ZNF718: variants seen among roughly 807,000 people sequenced by gnomAD.
The protein encoded by ZNF718 is zinc finger protein 718.
A neutral mutation model predicts 2.6 loss-of-function variants in ZNF718; 3 were observed. That is an observed-to-expected ratio of 1.16 (90% confidence interval 0.53 to 3.01). The LOEUF is 3.01. Ranked by LOEUF, ZNF718 falls within the 30% of genes most tolerant of loss-of-function variation. The pLI, the probability that ZNF718 is intolerant of heterozygous loss-of-function variation, is 0.03. For synonymous variants in ZNF718, 135 were observed against 77.9 expected, an observed-to-expected ratio of 1.73 and a Z score of -3.86; for missense variants, 468 against 230.0, an observed-to-expected ratio of 2.03 and a Z score of -6.69.
At chr4:140,277 A>G (rs1715757113) in intron 3 of ZNF718, among the ~76,000 whole-genome samples, 1 of 152,136 alleles carries the variant, frequency 6.6e-6, no homozygotes, top group Non-Finnish European at 1.5e-5. Context: ...TCGGATCCAC[A>G]GGAGGATACT....
At chr4:193,398 G>T (rs1167720669) in intron 3 of ZNF718, among the ~76,000 whole-genome samples, 1 of 152,114 alleles carries the variant, frequency 6.6e-6, no homozygotes, top group Non-Finnish European at 1.5e-5. Flanking sequence ...CCATATTGCT[G>T]TGTGGGCATG....
At chr4:138,732 T>C (rs1553809810) in intron 3 of ZNF718, among the ~76,000 whole-genome samples, 1 of 152,166 alleles carries the variant, frequency 6.6e-6, no homozygotes, top group Non-Finnish European at 1.5e-5. Flanking sequence ...TTGTAGTAAT[T>C]TACATTCCCA....
rs939659635 is a variant in ZNF718 at position 162,579 on chromosome 4, G to T, written c.*457G>T. On this transcript the variant is annotated 3_prime_UTR_variant, in exon 4 of 4. Coordinates refer to ENST00000510175, the MANE Select transcript of ZNF718 (RefSeq NM_001039127.6). ...ATTAGAAAATACAGGTCTTAAAAGT[G>T]AAGAAGAGTATTCTGAAGATAGACA... 6.5e-6 allele frequency: 1 copy of T among 153,908 alleles called. No homozygotes were observed. Among genetic ancestry groups the T allele is most frequent in the African/African-American group, 2.4e-5 (1 of 41,464 alleles). 9.5% of individuals were successfully genotyped at this position (153,908 alleles called of 1,614,324 possible). A position where few individuals can be genotyped will look rare whatever the true frequency, so the allele number is the denominator to read the frequency against.
chr4:195,376 C>T (rs1717771196), intron 3 of ZNF718, among the ~76,000 whole-genome samples: 1 of 152,072 alleles, frequency 6.6e-6, no homozygotes, highest in Non-Finnish European at 1.5e-5. Context: ...TTTTTTTTCT[C>T]AATCACCCGG....
At chr4:181,630 C>T (rs1177224698) in intron 3 of ZNF718, among the ~76,000 whole-genome samples, 1 of 152,002 alleles carries the variant, frequency 6.6e-6, no homozygotes, top group East Asian at 1.9e-4. Flanking sequence ...AATTCTATTC[C>T]TTTAATCTAT....
chr4:168,564 T>G (rs1303608736), downstream of ZNF718, among the ~76,000 whole-genome samples: 1 of 152,214 alleles, frequency 6.6e-6, no homozygotes, highest in Non-Finnish European at 1.5e-5. Context: ...TTCAACTTTT[T>G]CCTAGTTTAG....
intron 3 of ZNF718, among the ~76,000 whole-genome samples, chr4:199,766 A>G (rs560279815): frequency 1.1e-4 from 17 of 152,274 alleles, no homozygotes; most frequent in Non-Finnish European, 1.6e-4. Flanking sequence ...CTTCTTGGTC[A>G]TCACCTCCTG....
chr4:146,713 A>G (rs1716081532), intron 3 of ZNF718, among the ~76,000 whole-genome samples: 1 of 151,248 alleles, frequency 6.6e-6, no homozygotes, highest in South Asian at 2.1e-4. Context: ...CTTTATTCAC[A>G]CTTTCATTTT....
At chr4:160,205 T>C (rs1209855702) in intron 3 of ZNF718, among the ~76,000 whole-genome samples, 1 of 152,192 alleles carries the variant, frequency 6.6e-6, no homozygotes, top group Admixed American at 6.5e-5. Flanking sequence ...GAAGTAGGAA[T>C]GCGTGTGTCA....
At chr4:136,003 A>G (rs1352535647) in intron 3 of ZNF718, among the ~76,000 whole-genome samples, 1 of 152,038 alleles carries the variant, frequency 6.6e-6, no homozygotes, top group African/African-American at 2.4e-5. Flanking sequence ...TTTGGCAGGT[A>G]AAGAACTCCT....
rs781786823 is a variant in ZNF718 at position 161,882 on chromosome 4, T to C, written c.1197T>C (p.Asp399=). The C allele has an allele frequency of 4.7e-5, 37 of 779,928 alleles. No homozygotes were observed. The highest frequency in any genetic ancestry group is 8.1e-5 in the Non-Finnish European group (34 of 417,754). The allele number at this position is 779,928 out of a possible 1,614,324, so 48.3% of individuals were successfully genotyped here. A position where few individuals can be genotyped will look rare whatever the true frequency, so the allele number is the denominator to read the frequency against. ...HSGKNPYKCE[D]CGKAFKVFAN... Reference sequence around the variant, plus strand: ...GAAAAAATCCCTACAAATGTGAAGATTGTGGCAAAGCCTTTAAAGTGTTTG... The same window carrying C: ...GAAAAAATCCCTACAAATGTGAAGACTGTGGCAAAGCCTTTAAAGTGTTTG... Residue 399 remains aspartate (D), a synonymous_variant, in exon 4 of 4, where the codon GAT becomes GAC. Transcript: ENST00000510175.
chr4:173,039 A>T (rs11733927), intron 3 of ZNF718, among the ~76,000 whole-genome samples: 5 of 151,930 alleles, frequency 3.3e-5, no homozygotes, highest in Admixed American at 6.6e-5. Flanking sequence ...GTGAGACTCC[A>T]TCTTAAAAAA....
At chr4:192,284 G>C (rs543971417) in intron 3 of ZNF718, among the ~76,000 whole-genome samples, 2 of 152,324 alleles carry the variant, frequency 1.3e-5, no homozygotes, top group African/African-American at 4.8e-5. Flanking sequence ...AAAGGGGGTT[G>C]CCACTCCCTG....
At chr4:181,165 T>TC (rs1266618072) in intron 3 of ZNF718, among the ~76,000 whole-genome samples, 3 of 138,254 alleles carry the variant, frequency 2.2e-5, no homozygotes, top group Non-Finnish European at 4.7e-5. Flanking sequence ...CAGCTTTTTT[T>TC]TTTTTTTTTT....
chr4:191,144 CTTTT>C (rs1194078764), intron 3 of ZNF718, among the ~76,000 whole-genome samples: 1 of 122,280 alleles, frequency 8.2e-6, no homozygotes. Context: ...AGACATAAGT[CTTTT>C]TTTTTTTTTT....
At chr4:149,033 A>G (rs1374250523) in intron 3 of ZNF718, among the ~76,000 whole-genome samples, 3 of 152,320 alleles carry the variant, frequency 2.0e-5, no homozygotes, top group East Asian at 3.9e-4. Context: ...CTAAGTTTTC[A>G]TAAAGGTTCT....
chr4:159,360 TATATTACA>T (rs143839213), intron 3 of ZNF718, among the ~76,000 whole-genome samples: 1,719 of 151,766 alleles, frequency 0.011, 17 homozygotes, highest in Middle Eastern at 0.034. Flanking sequence ...TTCACCACTT[TATATTACA>T]ATTCCATGAC....
At position 151,783 on chromosome 4, in the gene ZNF718, G is replaced by A. The variant is rs560201382; in HGVS notation, c.227-9129G>A. 2.7e-3 allele frequency among the ~76,000 whole-genome samples: 415 copies of A among 151,074 alleles called. 4 individuals are homozygous for A. The highest frequency in any genetic ancestry group is 4.5e-3 in the Non-Finnish European group (306 of 67,728). ...CCCTACACACCTGTGGGTGTTTCTC[G>A]TAAGGTGGGACGAGAGATTTGGAAA... On this transcript the variant is annotated intron_variant, in intron 3 of 3. Transcript: ENST00000510175.
intron 3 of ZNF718, among the ~76,000 whole-genome samples, chr4:169,423 G>A (rs1489272403): frequency 1.1e-4 from 16 of 152,202 alleles, no homozygotes; most frequent in Middle Eastern, 3.4e-3. Flanking sequence ...TTTCTGTCTC[G>A]TTGATCTGTC....
Sources: gnomAD v4.1 joint callset for allele counts (sites outside exome capture counted in the v4.1 genomes callset) on GRCh38, gnomAD v4.1.1 for gene constraint, MANE v1.5 for transcripts, NCBI Gene and HGNC (gene_info 2026-07-23, HGNC 2026-07-21) for gene names.